IGSF11: variants seen among roughly 807,000 people sequenced by gnomAD.
The protein encoded by IGSF11 is immunoglobulin superfamily member 11, also known as CXADR like 1.
In IGSF11, 22 loss-of-function variants were observed where a neutral mutation model predicts 41.0. The observed-to-expected ratio is 0.54, with a 90% CI of 0.38 to 0.77. The LOEUF is 0.77. IGSF11 is among the 30% of genes least tolerant of loss of function. IGSF11 has a pLI of 0.00. For synonymous variants in IGSF11, 219 were observed against 201.3 expected (o/e 1.09, Z -0.74); for missense variants, 444 against 530.8 (o/e 0.84, Z 1.61).
intron 1 of IGSF11, among the ~76,000 whole-genome samples, chr3:118,993,358 A>G (rs1935965120): frequency 6.6e-6 from 1 of 152,258 alleles, no homozygotes; most frequent in Admixed American, 6.5e-5. Flanking sequence ...TTAAAAGACA[A>G]TAACAAGTGT....
intron 1 of IGSF11, among the ~76,000 whole-genome samples, chr3:118,967,696 T>A (rs555781199): frequency 1.3e-5 from 2 of 152,218 alleles, no homozygotes; most frequent in Non-Finnish European, 2.9e-5. Context: ...CTGTCCATTT[T>A]TCGCATAGTA....
intron 1 of IGSF11, among the ~76,000 whole-genome samples, chr3:118,955,284 G>A (rs999485586): frequency 1.3e-5 from 2 of 151,128 alleles, no homozygotes; most frequent in African/African-American, 2.4e-5. Context: ...ATACTACTCA[G>A]CCATATAAAG....
intron 1 of IGSF11, among the ~76,000 whole-genome samples, chr3:118,937,986 C>G (rs1943400313): frequency 1.3e-5 from 2 of 152,020 alleles, no homozygotes; most frequent in Non-Finnish European, 2.9e-5. Flanking sequence ...TATCACTCCT[C>G]TTTGTCACTT....
At chr3:118,924,244 A>T (rs2215811) in intron 4 of IGSF11, among the ~76,000 whole-genome samples, 45,880 of 152,080 alleles carry the variant, frequency 0.3, 10,070 homozygotes, top group African/African-American at 0.61. Context: ...AGAGAAATTC[A>T]AATCTCAAAA....
chr3:119,026,040 G>C (rs1039538268), intron 1 of IGSF11, among the ~76,000 whole-genome samples: 2 of 152,120 alleles, frequency 1.3e-5, no homozygotes, highest in Admixed American at 1.3e-4. Context: ...GGAGGCCGAG[G>C]TGGGCGGATC....
intron 1 of IGSF11, among the ~76,000 whole-genome samples, chr3:119,097,367 T>C (rs1160103376): frequency 2.0e-5 from 3 of 152,128 alleles, no homozygotes; most frequent in African/African-American, 7.2e-5. Context: ...GTTTATCTTA[T>C]TGGTAAACTT....
chr3:119,017,871 C>T (rs1938897793), intron 1 of IGSF11, among the ~76,000 whole-genome samples: 5 of 148,080 alleles, frequency 3.4e-5, no homozygotes, highest in Admixed American at 2.7e-4. Flanking sequence ...CAACCTCTGC[C>T]TCCTGGGTTC....
At chr3:118,904,245 TG>T (rs1405095914) in intron 6 of IGSF11, among the ~76,000 whole-genome samples, 3 of 152,238 alleles carry the variant, frequency 2.0e-5, no homozygotes, top group Non-Finnish European at 2.9e-5. Context: ...CATAGTGCTG[TG>T]GTCTGACTGT....
chr3:119,123,271 G>A (rs2077357821), intron 1 of IGSF11, among the ~76,000 whole-genome samples: 1 of 152,210 alleles, frequency 6.6e-6, no homozygotes, highest in Non-Finnish European at 1.5e-5. Context: ...CCTGTGTAAA[G>A]AGGAGGGAAG....
intron 1 of IGSF11, among the ~76,000 whole-genome samples, chr3:118,937,245 CACATA>C (rs1212172139): frequency 1.3e-5 from 2 of 152,164 alleles, no homozygotes; most frequent in Non-Finnish European, 1.5e-5. Context: ...AAGTATTTCT[CACATA>C]AATACATGTA....
intron 1 of IGSF11, among the ~76,000 whole-genome samples, chr3:119,022,276 T>A (rs1939370248): frequency 1.3e-5 from 2 of 152,136 alleles, no homozygotes; most frequent in Non-Finnish European, 2.9e-5. Context: ...AGGGGTTAAG[T>A]GGAAACGGGG....
intron 1 of IGSF11, among the ~76,000 whole-genome samples, chr3:119,134,816 G>A (rs1445732633): frequency 6.6e-6 from 1 of 152,038 alleles, no homozygotes; most frequent in Non-Finnish European, 1.5e-5. Flanking sequence ...TATACTACAA[G>A]GCTACAGTAA....
At chr3:119,015,455 A>G (rs146955572) in intron 1 of IGSF11, among the ~76,000 whole-genome samples, 2 of 152,374 alleles carry the variant, frequency 1.3e-5, no homozygotes, top group African/African-American at 4.8e-5. Context: ...CTGAAAGGTT[A>G]TAAAAGCTTT....
At chr3:119,059,145 G>A (rs1156272663) in intron 1 of IGSF11, among the ~76,000 whole-genome samples, 10 of 124,778 alleles carry the variant, frequency 8.0e-5, no homozygotes, top group Non-Finnish European at 1.4e-4. Context: ...TTTAAAAAAA[G>A]AAAGAAAATG....
chr3:119,038,133 C>A (rs188593419), upstream of IGSF11, among the ~76,000 whole-genome samples: 1 of 152,160 alleles, frequency 6.6e-6, no homozygotes, highest in East Asian at 1.9e-4. Context: ...CCCCCTCCCC[C>A]TTTGCAAAAT....
chr3:119,070,813 G>A (rs771142551), intron 1 of IGSF11, among the ~76,000 whole-genome samples: 5 of 152,170 alleles, frequency 3.3e-5, no homozygotes, highest in East Asian at 3.9e-4. Context: ...AAATTCTTCC[G>A]AGAGCAGTAT....
chr3:119,107,727 C>A, upstream of IGSF11, among the ~76,000 whole-genome samples: 1 of 152,180 alleles, frequency 6.6e-6, no homozygotes, highest in Non-Finnish European at 1.5e-5. Context: ...TTAGGTCTAA[C>A]ATTTAAGTCT....
In IGSF11 at chr3:119,128,627, C is replaced by G. The variant is rs372154563; in HGVS notation, c.-14+17186G>C. On this transcript the variant is annotated intron_variant, in intron 1 of 7. Coordinates refer to the IGSF11 transcript ENST00000425327. ...AGTCTCTGACAAAACAGATTTTAAA[C>G]CAAAAAAGATCAAAAAAGACAAAGA... Among the ~76,000 whole-genome samples, 77 of 151,426 alleles carry G rather than the reference C, an allele frequency of 5.1e-4. 1 individual carries two copies. The highest frequency in any genetic ancestry group is 1.8e-3 in the African/African-American group (75 of 41,242).
intron 1 of IGSF11, among the ~76,000 whole-genome samples, chr3:118,939,567 C>T (rs192961266): frequency 4.6e-4 from 59 of 128,344 alleles, no homozygotes; most frequent in Middle Eastern, 3.7e-3. Context: ...CAGAGCAAGA[C>T]TCCGTCTCAA....
Sources: gnomAD v4.1 joint callset for allele counts (sites outside exome capture counted in the v4.1 genomes callset) on GRCh38, gnomAD v4.1.1 for gene constraint, MANE v1.5 for transcripts, NCBI Gene and HGNC (gene_info 2026-07-23, HGNC 2026-07-21) for gene names.